Variants in RABGAP1L observed in about 807,000 individuals in gnomAD.
The protein encoded by RABGAP1L is RAB GTPase activating protein 1 like, also known as rab GTPase-activating protein 1-like.
A neutral mutation model predicts 137.7 loss-of-function variants in RABGAP1L; 63 were observed. The observed-to-expected ratio is 0.46, with a 90% CI of 0.37 to 0.56. The LOEUF (loss-of-function observed/expected upper bound fraction) is 0.56. Among genes scored for constraint, RABGAP1L ranks in the 20% least tolerant of loss-of-function variants. The pLI, the probability that RABGAP1L is intolerant of heterozygous loss-of-function variation, is 0.00. For synonymous variants in RABGAP1L, 431 were observed against 433.7 expected (o/e 0.99, Z 0.08); for missense variants, 1,095 against 1,244.0 (o/e 0.88, Z 1.80).
At chr1:174,740,986 T>C (rs987859689) in intron 17 of RABGAP1L, among the ~76,000 whole-genome samples, 1 of 152,142 alleles carries the variant, frequency 6.6e-6, no homozygotes, top group African/African-American at 2.4e-5. Context: ...ATAAATAATT[T>C]GCAAATATTT....
chr1:174,793,489 A>G (rs1397864702), intron 18 of RABGAP1L, among the ~76,000 whole-genome samples: 3 of 152,234 alleles, frequency 2.0e-5, no homozygotes, highest in Admixed American at 1.3e-4. Flanking sequence ...ACTGCACAGT[A>G]TCTTCTATAT....
At chr1:174,973,672 A>T (rs994315363) in intron 21 of RABGAP1L, among the ~76,000 whole-genome samples, 1 of 152,224 alleles carries the variant, frequency 6.6e-6, no homozygotes, top group Admixed American at 6.5e-5. Context: ...GGCGTGAGCC[A>T]CCGCGCCTGG....
chr1:174,816,146 G>C (rs1245959693), intron 19 of RABGAP1L, among the ~76,000 whole-genome samples: 1 of 87,960 alleles, frequency 1.1e-5, no homozygotes, highest in South Asian at 4.8e-4. Context: ...ATAATACATA[G>C]CTTTTTTTTT....
At chr1:174,845,240 T>C (rs925660398) in intron 19 of RABGAP1L, among the ~76,000 whole-genome samples, 1 of 95,268 alleles carries the variant, frequency 1.0e-5, no homozygotes, top group African/African-American at 2.9e-5. Flanking sequence ...CTGATTGCCC[T>C]GGCCAGAACT....
intron 11 of RABGAP1L, among the ~76,000 whole-genome samples, chr1:174,328,892 G>T (rs1680778081): frequency 6.6e-6 from 1 of 151,892 alleles, no homozygotes; most frequent in Non-Finnish European, 1.5e-5. Context: ...TAAAAAAGAA[G>T]AAAGATCTCA....
intron 18 of RABGAP1L, among the ~76,000 whole-genome samples, chr1:174,810,275 A>G (rs757808254): frequency 6.6e-6 from 1 of 152,194 alleles, no homozygotes; most frequent in African/African-American, 2.4e-5. Flanking sequence ...AAAGAGGGGA[A>G]GAAGGGGAGC....
At chr1:174,733,574 CT>C (rs1204218513) in intron 17 of RABGAP1L, among the ~76,000 whole-genome samples, 2 of 152,238 alleles carry the variant, frequency 1.3e-5, no homozygotes, top group Non-Finnish European at 2.9e-5. Flanking sequence ...TGGGCTCCCC[CT>C]GTCCCCTAAA....
chr1:174,351,086 G>A (rs149732819), intron 11 of RABGAP1L, among the ~76,000 whole-genome samples: 4,998 of 127,918 alleles, frequency 0.039, 595 homozygotes, highest in African/African-American at 0.15. Context: ...GGGGGAGGGG[G>A]AGGGGGAGGG....
chr1:174,481,787 G>C (rs1291929164), intron 13 of RABGAP1L, among the ~76,000 whole-genome samples: 2 of 151,622 alleles, frequency 1.3e-5, no homozygotes, highest in African/African-American at 4.8e-5. Flanking sequence ...CTTTGAGTTA[G>C]TGGGTGCAGC....
chr1:174,662,031 A>G (rs977265243), intron 14 of RABGAP1L, among the ~76,000 whole-genome samples: 1 of 151,724 alleles, frequency 6.6e-6, no homozygotes, highest in Admixed American at 6.6e-5. Context: ...TATTTCTTCT[A>G]CTTATAAAAT....
chr1:174,295,683 CTTTTT>C (rs375647532), intron 10 of RABGAP1L, among the ~76,000 whole-genome samples: 1 of 140,060 alleles, frequency 7.1e-6, no homozygotes, highest in Non-Finnish European at 1.6e-5. Flanking sequence ...CGCAGCCAGC[CTTTTT>C]TTTTTTTTTT....
At chr1:174,878,631 C>G (rs1328131499) in intron 19 of RABGAP1L, among the ~76,000 whole-genome samples, 1 of 152,008 alleles carries the variant, frequency 6.6e-6, no homozygotes, top group Non-Finnish European at 1.5e-5. Flanking sequence ...TTAAACCTAA[C>G]TAATATGAAG....
At chr1:174,196,041 T>C (rs149870787) in intron 1 of RABGAP1L, among the ~76,000 whole-genome samples, 2,206 of 151,576 alleles carry the variant, frequency 0.015, 27 homozygotes, top group Non-Finnish European at 0.023. Context: ...TTCACCGTTT[T>C]AGCCAGGATG....
chr1:174,199,813 A>G lies in RABGAP1L; in HGVS notation c.-33-19312A>G, dbSNP rs543883139. Among the ~76,000 whole-genome samples the G allele has an allele frequency of 2.0e-5, 3 of 152,304 alleles. No individual in the cohort carries two copies. In the East Asian group the frequency reaches 5.8e-4, roughly 29 times the overall value. ...CCCCTCCCTCATAATGTGGTTTGGC[A>G]AAATGCTTCAGGGAAATAACAGTGA... On this transcript the variant is annotated intron_variant, in intron 1 of 25. Transcript: ENST00000681986.
chr1:174,356,991 C>T (rs1037303003), intron 11 of RABGAP1L, among the ~76,000 whole-genome samples: 1 of 152,040 alleles, frequency 6.6e-6, no homozygotes, highest in Non-Finnish European at 1.5e-5. Context: ...GGTAGTCCTA[C>T]TGTATGGGTC....
chr1:174,282,749 C>T (rs1014454875), intron 10 of RABGAP1L, among the ~76,000 whole-genome samples: 1 of 152,084 alleles, frequency 6.6e-6, no homozygotes, highest in African/African-American at 2.4e-5. Context: ...AGTTTCAGGC[C>T]TATTACCTAT....
At chr1:174,183,104 A>G (rs531749924) in intron 1 of RABGAP1L, among the ~76,000 whole-genome samples, 1 of 152,298 alleles carries the variant, frequency 6.6e-6, no homozygotes, top group East Asian at 1.9e-4. Context: ...TTTAAGGCAT[A>G]TATTATTGTT....
intron 14 of RABGAP1L, among the ~76,000 whole-genome samples, chr1:174,676,580 A>G (rs990289843): frequency 6.6e-6 from 1 of 152,232 alleles, no homozygotes; most frequent in Non-Finnish European, 1.5e-5. Flanking sequence ...ATTTTAAAAT[A>G]TAAAAGGATT....
intron 13 of RABGAP1L, among the ~76,000 whole-genome samples, chr1:174,522,089 A>T (rs894726266): frequency 6.6e-6 from 1 of 152,066 alleles, no homozygotes; most frequent in Non-Finnish European, 1.5e-5. Context: ...AAAAAAAAAA[A>T]AAGTAGTAGT....
Sources: allele counts gnomAD v4.1 joint callset (sites outside exome capture counted in the v4.1 genomes callset), GRCh38; gene constraint gnomAD v4.1.1; transcripts MANE v1.5; gene names NCBI Gene and HGNC (gene_info 2026-07-23, HGNC 2026-07-21).